MACROD2: variants seen among roughly 807,000 people sequenced by gnomAD.
The protein encoded by MACROD2 is mono-ADP ribosylhydrolase 2.
In MACROD2, 36 loss-of-function variants were observed where a neutral mutation model predicts 70.4. That is an observed-to-expected ratio of 0.51 (90% CI 0.39 to 0.68). The LOEUF is 0.68. MACROD2 is among the 30% of genes least tolerant of loss of function. MACROD2 has a pLI of 0.00. For synonymous variants in MACROD2, 172 were observed against 178.8 expected (o/e 0.96, Z 0.30); for missense variants, 496 against 538.4 (o/e 0.92, Z 0.78).
At chr20:14,218,032 A>G (rs2081638512) in intron 3 of MACROD2, among the ~76,000 whole-genome samples, 2 of 152,120 alleles carry the variant, frequency 1.3e-5, no homozygotes, top group South Asian at 2.1e-4. Context: ...TGTTAAGTCC[A>G]TTTGTTCCAA....
chr20:15,488,476 C>T (rs1170398845), intron 7 of MACROD2, among the ~76,000 whole-genome samples: 1 of 152,184 alleles, frequency 6.6e-6, no homozygotes, highest in African/African-American at 2.4e-5. Context: ...CACACAATAA[C>T]CAAGCAAACA....
At chr20:14,770,858 G>A (rs2072155941) in intron 5 of MACROD2, among the ~76,000 whole-genome samples, 2 of 152,068 alleles carry the variant, frequency 1.3e-5, no homozygotes, top group East Asian at 3.9e-4. Context: ...TGGCTCCAGT[G>A]CCATACAAAT....
At chr20:14,980,281 A>G (rs560057097) in intron 5 of MACROD2, among the ~76,000 whole-genome samples, 17 of 152,252 alleles carry the variant, frequency 1.1e-4, no homozygotes, top group Admixed American at 7.9e-4. Context: ...TTAATGAGTT[A>G]TCTCAGGAGT....
intron 6 of MACROD2, among the ~76,000 whole-genome samples, 175 bp from the exon 7 acceptor site, chr20:15,431,229 GA>G (rs1182221352): frequency 6.6e-6 from 1 of 151,980 alleles, no homozygotes; most frequent in Non-Finnish European, 1.5e-5. Context: ...TGCTGATAGG[GA>G]ACAGTTACCA....
chr20:15,112,224 T>C (rs2123224059), intron 5 of MACROD2, among the ~76,000 whole-genome samples: 1 of 152,242 alleles, frequency 6.6e-6, no homozygotes, highest in Non-Finnish European at 1.5e-5. Flanking sequence ...CATTGCACGG[T>C]TGATGTTAAG....
intron 8 of MACROD2, among the ~76,000 whole-genome samples, chr20:15,518,558 C>A (rs1304148259): frequency 6.6e-6 from 1 of 152,052 alleles, no homozygotes; most frequent in Admixed American, 6.5e-5. Flanking sequence ...CTTCAACCTC[C>A]AGCATATTTG....
At chr20:15,412,428 T>A (rs927516522) in intron 6 of MACROD2, among the ~76,000 whole-genome samples, 2 of 152,214 alleles carry the variant, frequency 1.3e-5, no homozygotes, top group Admixed American at 1.3e-4. Flanking sequence ...TTATAAATAC[T>A]TGTAACTAAA....
At chr20:14,869,686 A>G (rs1375925204) in intron 5 of MACROD2, among the ~76,000 whole-genome samples, 1 of 152,202 alleles carries the variant, frequency 6.6e-6, no homozygotes, top group Non-Finnish European at 1.5e-5. Context: ...CCTTTTCTCA[A>G]CAAGGAATAA....
At chr20:15,321,229 A>G (rs1044905162) in intron 6 of MACROD2, among the ~76,000 whole-genome samples, 2 of 143,150 alleles carry the variant, frequency 1.4e-5, no homozygotes, top group Non-Finnish European at 3.2e-5. Flanking sequence ...TGTGTTTTGG[A>G]ACTTCCCTTG....
intron 5 of MACROD2, chr20:14,895,493 T>C (rs758795257): frequency 2.0e-5 from 3 of 151,938 alleles, no homozygotes; most frequent in Non-Finnish European, 4.4e-5. Flanking sequence ...ATAACAATGG[T>C]GGTGGAAAGG....
At chr20:15,798,864 A>G (rs916551886) in intron 8 of MACROD2, among the ~76,000 whole-genome samples, 2 of 152,272 alleles carry the variant, frequency 1.3e-5, no homozygotes, top group African/African-American at 4.8e-5. Context: ...CTGCTTTTCT[A>G]TGGCCCCATT....
intron 5 of MACROD2, among the ~76,000 whole-genome samples, chr20:14,853,556 A>G (rs1306244261): frequency 1.3e-5 from 2 of 152,162 alleles, no homozygotes; most frequent in East Asian, 3.9e-4. Context: ...AGAGACAGCC[A>G]GTAATTATTT....
intron 5 of MACROD2, among the ~76,000 whole-genome samples, chr20:14,729,064 C>T (rs886268081): frequency 1.8e-4 from 28 of 152,040 alleles, no homozygotes; most frequent in African/African-American, 6.0e-4. Flanking sequence ...AAATAGAGAG[C>T]AGTATTTTAA....
chr20:15,640,976 C>T (rs2049451001), intron 8 of MACROD2, among the ~76,000 whole-genome samples: 1 of 152,232 alleles, frequency 6.6e-6, no homozygotes, highest in South Asian at 2.1e-4. Context: ...TCCAGACCTT[C>T]CTCATTTCCT....
At chr20:14,145,138 CA>C (rs1050399363) in intron 3 of MACROD2, among the ~76,000 whole-genome samples, 9 of 152,040 alleles carry the variant, frequency 5.9e-5, no homozygotes, top group Non-Finnish European at 1.0e-4. Flanking sequence ...TATACCTCTA[CA>C]AAAAAAGCAC....
At chr20:15,546,298 C>G (rs369324531) in intron 8 of MACROD2, among the ~76,000 whole-genome samples, 3 of 152,186 alleles carry the variant, frequency 2.0e-5, no homozygotes, top group African/African-American at 7.2e-5. Flanking sequence ...ACTTCTTGAA[C>G]GTCTGCAGAG....
chr20:15,196,159 A>C (rs903355336), intron 5 of MACROD2, among the ~76,000 whole-genome samples: 1 of 152,084 alleles, frequency 6.6e-6, no homozygotes, highest in South Asian at 2.1e-4. Flanking sequence ...AGGTGATTGG[A>C]TGATCTGTGC....
intron 6 of MACROD2, among the ~76,000 whole-genome samples, chr20:15,397,737 G>A (rs1453599018): frequency 1.3e-5 from 2 of 152,202 alleles, no homozygotes; most frequent in Non-Finnish European, 2.9e-5. Flanking sequence ...CATAAAGCCA[G>A]TGGAAATTCA....
At chr20:15,672,503 A>G (rs2049994634) in intron 8 of MACROD2, among the ~76,000 whole-genome samples, 1 of 152,016 alleles carries the variant, frequency 6.6e-6, no homozygotes. Context: ...TGACAACACC[A>G]TTCTGACTTT....
Sources: gnomAD v4.1 joint callset for allele counts (sites outside exome capture counted in the v4.1 genomes callset) on GRCh38, gnomAD v4.1.1 for gene constraint, MANE v1.5 for transcripts, NCBI Gene and HGNC (gene_info 2026-07-23, HGNC 2026-07-21) for gene names.